The following RAD54B variants were observed in gnomAD, a reference collection of about 807,000 sequenced individuals.
RAD54B encodes the protein RAD54 homolog B, also known as DNA repair and recombination protein RAD54B.
Under a neutral mutation model 95.8 loss-of-function variants are expected in RAD54B, and 78 were observed. That is an observed-to-expected ratio of 0.81 (90% CI 0.68 to 0.98). The LOEUF (loss-of-function observed/expected upper bound fraction) is 0.98. RAD54B is among the 50% of genes least tolerant of loss of function. The pLI, the probability that RAD54B is intolerant of heterozygous loss-of-function variation, is 0.00. For missense variants in RAD54B, 957 were observed against 1,056.6 expected (o/e 0.91, Z 1.31); for synonymous variants, 328 against 354.9 (o/e 0.92, Z 0.85).
intron 4 of RAD54B, among the ~76,000 whole-genome samples, chr8:94,408,242 T>C (rs113267103): frequency 5.9e-5 from 9 of 152,176 alleles, no homozygotes; most frequent in African/African-American, 1.9e-4. Flanking sequence ...TAATAAAACA[T>C]GGAATATTTT....
chr8:94,440,307 GATT>G (rs977769054), intron 3 of RAD54B, among the ~76,000 whole-genome samples: 5 of 151,840 alleles, frequency 3.3e-5, no homozygotes, highest in African/African-American at 1.2e-4. Context: ...ATTACTGTTT[GATT>G]ATATTACAAT....
At chr8:94,465,520 T>C (rs900686159) in intron 2 of RAD54B, among the ~76,000 whole-genome samples, 2 of 152,180 alleles carry the variant, frequency 1.3e-5, no homozygotes, top group Non-Finnish European at 2.9e-5. Context: ...ATAACAAGTG[T>C]TCCTGAGGAT....
intron 3 of RAD54B, among the ~76,000 whole-genome samples, chr8:94,423,610 CAAGAA>C (rs1811874395): frequency 6.6e-6 from 1 of 152,136 alleles, no homozygotes; most frequent in South Asian, 2.1e-4. Context: ...AAATTTTAGT[CAAGAA>C]AACTTAACCA....
intron 2 of RAD54B, among the ~76,000 whole-genome samples, chr8:94,463,134 C>T (rs1812945298): frequency 6.6e-6 from 1 of 151,884 alleles, no homozygotes; most frequent in South Asian, 2.1e-4. Flanking sequence ...CAGGATTGTG[C>T]CACTGTACTC....
At chr8:94,413,278 T>G (rs977616764) in intron 3 of RAD54B, among the ~76,000 whole-genome samples, 3 of 152,110 alleles carry the variant, frequency 2.0e-5, no homozygotes, top group South Asian at 2.1e-4. Context: ...AAGAACAAAG[T>G]TGGATGTTTA....
At chr8:94,375,695 G>T (rs1451880321) in intron 14 of RAD54B, among the ~76,000 whole-genome samples, 1 of 152,112 alleles carries the variant, frequency 6.6e-6, no homozygotes, top group Non-Finnish European at 1.5e-5. Flanking sequence ...AAAGAATGAG[G>T]AAACTCTGTA....
chr8:94,459,577 A>C (rs192142522), intron 2 of RAD54B, among the ~76,000 whole-genome samples: 4 of 152,116 alleles, frequency 2.6e-5, no homozygotes, highest in Admixed American at 2.0e-4. Flanking sequence ...ATGAAACAAG[A>C]GGCCGGGCGC....
chr8:94,432,320 T>C (rs1490185560), intron 3 of RAD54B: 13 of 1,550,182 alleles, frequency 8.4e-6, no homozygotes, highest in African/African-American at 1.4e-5. Context: ...CTTTCAACAT[T>C]TGCAGGATCT....
chr8:94,385,615 A>G (rs10464877), intron 11 of RAD54B, among the ~76,000 whole-genome samples: 38,104 of 152,030 alleles, frequency 0.25, 5,647 homozygotes, highest in East Asian at 0.43. Flanking sequence ...TGTTGTTGTT[A>G]TTTTGTAGAA....
rs1274558799 is a variant in RAD54B at position 94,404,047 on chromosome 8, T to G, written c.944+30A>C. 3 of 1,511,596 alleles carry G rather than the reference T, an allele frequency of 2.0e-6. No homozygotes were observed. In the South Asian group the frequency reaches 3.8e-5, roughly 19 times the overall value. The allele number at this position is 1,511,596 out of a possible 1,614,324, so 93.6% of individuals were successfully genotyped here. A position where few individuals can be genotyped will look rare whatever the true frequency, so the allele number is the denominator to read the frequency against. On this transcript the variant is annotated intron_variant, in intron 6 of 14. Transcript: ENST00000336148. ...GTTACAGGTTAAATCAAAATTCAGA[T>G]TAGATTAAACAAATGATTTATTTTC...
intron 6 of RAD54B, among the ~76,000 whole-genome samples, chr8:94,401,837 T>C (rs1399307035): frequency 2.6e-5 from 4 of 152,140 alleles, no homozygotes; most frequent in African/African-American, 9.7e-5. Context: ...CCCAATGAGA[T>C]ACAGTGAATA....
At chr8:94,415,290 C>G (rs113976660) in intron 3 of RAD54B, among the ~76,000 whole-genome samples, 29,753 of 111,856 alleles carry the variant, frequency 0.27, 4,100 homozygotes, top group Admixed American at 0.35. Flanking sequence ...TTAATAAATG[C>G]TGCTGGGAAA....
At chr8:94,441,351 C>T (rs1014636736) in intron 3 of RAD54B, among the ~76,000 whole-genome samples, 6 of 152,256 alleles carry the variant, frequency 3.9e-5, no homozygotes, top group African/African-American at 1.4e-4. Flanking sequence ...GAACATCTAA[C>T]CAAAAAGCTT....
chr8:94,386,037 C>A (rs1036567470), intron 11 of RAD54B, among the ~76,000 whole-genome samples: 2 of 152,056 alleles, frequency 1.3e-5, no homozygotes, highest in Admixed American at 6.6e-5. Context: ...AAAGGAGTGA[C>A]AAGTTCATAT....
chr8:94,437,005 T>G (rs1272484176), intron 3 of RAD54B: 1 of 1,386,342 alleles, frequency 7.2e-7, no homozygotes, highest in Non-Finnish European at 9.3e-7. Flanking sequence ...AGGGGAGGGT[T>G]TATTAAAATT....
intron 3 of RAD54B, among the ~76,000 whole-genome samples, chr8:94,453,792 T>TTTTG (rs894871330): frequency 6.6e-6 from 1 of 152,052 alleles, no homozygotes; most frequent in South Asian, 2.1e-4. Flanking sequence ...TATATTCCCT[T>TTTTG]TTTGTTTGTT....
At chr8:94,374,277 T>C (rs1237097377) in intron 14 of RAD54B, among the ~76,000 whole-genome samples, 1 of 141,464 alleles carries the variant, frequency 7.1e-6, no homozygotes, top group African/African-American at 2.5e-5. Flanking sequence ...AGACTCCGTC[T>C]CAAAAAAAAA....
intron 3 of RAD54B, among the ~76,000 whole-genome samples, chr8:94,414,489 G>A (rs1314568992): frequency 6.6e-6 from 1 of 152,118 alleles, no homozygotes; most frequent in Admixed American, 6.6e-5. Flanking sequence ...TTATTATTTT[G>A]AGATATGTCC....
At position 94,399,439 on chromosome 8, in the gene RAD54B, A is replaced by G; in HGVS notation, c.1353T>C (p.Ser451=). ...CAGTTAGAATTATTCTTTTCTCACA[A>G]GAAAGGCTAATGAGGGCTGTAGTTG... ...IKTTTALISL[S]CEKRIILTGT... Residue 451 remains serine, a synonymous_variant, in exon 8 of 15, where the codon TCT becomes TCC. Coordinates refer to ENST00000336148, the MANE Select transcript of RAD54B (RefSeq NM_012415.3). 1 of 1,613,464 alleles carries G rather than the reference A, an allele frequency of 6.2e-7. No homozygotes were observed. The highest frequency in any genetic ancestry group is 8.5e-7 in the Non-Finnish European group (1 of 1,179,586).
Sources: allele counts gnomAD v4.1 joint callset (sites outside exome capture counted in the v4.1 genomes callset), GRCh38; gene constraint gnomAD v4.1.1; transcripts MANE v1.5; gene names NCBI Gene and HGNC (gene_info 2026-07-23, HGNC 2026-07-21).